ALG12: variants seen among roughly 807,000 people sequenced by gnomAD.
ALG12 encodes ALG12 alpha-1,6-mannosyltransferase.
Under a neutral mutation model 46.0 loss-of-function variants are expected in ALG12, and 36 were observed. The ratio of observed to expected loss-of-function variants is 0.78; its 90% CI spans 0.60 to 1.03. The LOEUF is 1.03. Ranked by LOEUF, ALG12 falls within the 50% of genes least tolerant of loss-of-function variation. The pLI, the probability that ALG12 is intolerant of heterozygous loss-of-function variation, is 0.00. For missense variants in ALG12, 599 were observed against 633.5 expected (o/e 0.95, Z 0.58); for synonymous variants, 326 against 291.6 (o/e 1.12, Z -1.20).
At chr22:49,881,079 C>G in the ALG12 span, among the ~76,000 whole-genome samples, 1 of 152,234 alleles carries the variant, frequency 6.6e-6, no homozygotes, top group Non-Finnish European at 1.5e-5. Context: ...GGCGCAGTGG[C>G]TCAGGCCTGT....
At chr22:49,898,405 T>A (rs994705574), downstream of ALG12, among the ~76,000 whole-genome samples, 10 of 151,980 alleles carry the variant, frequency 6.6e-5, no homozygotes, top group African/African-American at 9.7e-5. Flanking sequence ...TTCTTTTTTT[T>A]TTTGAGATGG....
At chr22:49,874,830 G>A in the ALG12 span, among the ~76,000 whole-genome samples, 3 of 151,654 alleles carry the variant, frequency 2.0e-5, no homozygotes, top group Non-Finnish European at 4.4e-5. Flanking sequence ...AAACAGGTGC[G>A]TGCCACCATG....
the ALG12 span, among the ~76,000 whole-genome samples, chr22:49,891,805 A>T: frequency 2.0e-5 from 3 of 152,200 alleles, no homozygotes; most frequent in African/African-American, 7.2e-5. Context: ...TAGTTTTGTC[A>T]TAATATGCAT....
At position 49,910,102 on chromosome 22, in the gene ALG12, C is replaced by A; in HGVS notation, c.470-14G>T. ...GGGCCAGCAGGACTGCAAGACAGTGCGGGAGGGTGCTCGTCAAGACACAGG... is the reference window on the plus strand; with the variant it reads ...GGGCCAGCAGGACTGCAAGACAGTGAGGGAGGGTGCTCGTCAAGACACAGG... On this transcript the variant is annotated splice_polypyrimidine_tract_variant and intron_variant, in intron 4 of 9. Coordinates refer to ENST00000330817, the MANE Select transcript of ALG12 (RefSeq NM_024105.4). The A allele has an allele frequency of 6.3e-7, 1 of 1,592,260 alleles. No individual in the cohort carries two copies. Among genetic ancestry groups the A allele is most frequent in the Non-Finnish European group, 8.5e-7 (1 of 1,169,912 alleles).
chr22:49,884,368 T>C, the ALG12 span: 1 of 1,611,876 alleles, frequency 6.2e-7, no homozygotes, highest in East Asian at 2.2e-5. Context: ...TGAAGAAATC[T>C]CCTCTGACAT....
rs1200180536 is a variant in ALG12 at position 49,907,754 on chromosome 22, A to G, written c.959T>C (p.Leu320Pro). The stretch of plus-strand genomic sequence containing the variant: ...GCAGCCTCTGGCAGCCGTGATGTTG[A>G]GCATGGGGAAGGCATAGATGATGAA... ...LRFIIYAFPM[L>P]NITAARGCSY... The change falls in exon 7 of 10, where the codon CTC (leucine) becomes CCC (proline). Residue 320 changes from leucine (L) to proline (P), a missense_variant. By Grantham distance (98) the Leu-to-Pro change is moderately conservative (BLOSUM62 -3). Coordinates refer to ENST00000330817, the MANE Select transcript of ALG12 (RefSeq NM_024105.4). 1 of 1,614,026 alleles carries G rather than the reference A, an allele frequency of 6.2e-7. No individual in the cohort carries two copies. The highest frequency in any genetic ancestry group is 1.3e-5 in the African/African-American group (1 of 74,932).
the ALG12 span, among the ~76,000 whole-genome samples, chr22:49,890,381 C>A: frequency 6.6e-6 from 1 of 152,208 alleles, no homozygotes; most frequent in Admixed American, 6.5e-5. Context: ...GATCAAGATA[C>A]TTTTGTAAGC....
At chr22:49,915,911 A>AT (rs2060606707) in intron 1 of ALG12, among the ~76,000 whole-genome samples, 2 of 152,220 alleles carry the variant, frequency 1.3e-5, no homozygotes. Context: ...GCCGAAGAAG[A>AT]AATCGGTAAA....
the ALG12 span, chr22:49,884,725 C>G: frequency 6.3e-7 from 1 of 1,594,034 alleles, no homozygotes; most frequent in African/African-American, 1.3e-5. Context: ...GTACTCCACC[C>G]CTCCCACTCT....
chr22:49,863,090 C>T, the ALG12 span, among the ~76,000 whole-genome samples: 97,944 of 152,050 alleles, frequency 0.64, 35,697 homozygotes, highest in East Asian at 0.85. Flanking sequence ...TGGACTCGTG[C>T]ATCTCACGGT....
At chr22:49,873,860 C>G in the ALG12 span, among the ~76,000 whole-genome samples, 97,429 of 151,658 alleles carry the variant, frequency 0.64, 35,460 homozygotes, top group East Asian at 0.85. Flanking sequence ...TAGGTTGGAG[C>G]GAGGAGCGTG....
the ALG12 span, among the ~76,000 whole-genome samples, chr22:49,862,273 T>G: frequency 6.6e-6 from 1 of 151,692 alleles, no homozygotes; most frequent in Non-Finnish European, 1.5e-5. Context: ...GTGGTTTCTC[T>G]GTCTTTCTTA....
chr22:49,910,114 C>A, intron 4 of ALG12, 26 bp from the exon 5 acceptor site: 1 of 1,578,850 alleles, frequency 6.3e-7, no homozygotes, highest in South Asian at 1.1e-5. Flanking sequence ...GGAGGGTGCT[C>A]GTCAAGACAC....
the ALG12 span, among the ~76,000 whole-genome samples, chr22:49,872,560 T>C: frequency 1.3e-5 from 2 of 152,156 alleles, no homozygotes; most frequent in Non-Finnish European, 2.9e-5. Flanking sequence ...GATATGGTCT[T>C]GCTCTGTCAC....
At chr22:49,867,743 A>G in the ALG12 span, among the ~76,000 whole-genome samples, 1 of 152,138 alleles carries the variant, frequency 6.6e-6, no homozygotes, top group Admixed American at 6.5e-5. Flanking sequence ...GCCTTGTAAT[A>G]CTGACTGCAA....
chr22:49,894,638 C>G, the ALG12 span, among the ~76,000 whole-genome samples: 6 of 152,156 alleles, frequency 3.9e-5, no homozygotes, highest in African/African-American at 1.4e-4. Flanking sequence ...ATAAAAGCAC[C>G]AAAGAACACA....
At chr22:49,884,359 G>A in the ALG12 span, 7 of 1,613,042 alleles carry the variant, frequency 4.3e-6, no homozygotes, top group Admixed American at 3.3e-5. Flanking sequence ...AGTTTCTTCT[G>A]AAGAAATCTC....
At chr22:49,907,121 C>G (rs950211311) in intron 7 of ALG12, among the ~76,000 whole-genome samples, 1 of 152,186 alleles carries the variant, frequency 6.6e-6, no homozygotes, top group African/African-American at 2.4e-5. Context: ...CACCATCCCC[C>G]TCTTCCAGCC....
chr22:49,885,582 T>A, the ALG12 span: 1 of 1,605,146 alleles, frequency 6.2e-7, no homozygotes, highest in Non-Finnish European at 8.5e-7. Context: ...GCGCTTCCTC[T>A]TTTGATGACA....
Sources: allele counts gnomAD v4.1 joint callset (sites outside exome capture counted in the v4.1 genomes callset), GRCh38; gene constraint gnomAD v4.1.1; transcripts MANE v1.5; gene names NCBI Gene and HGNC (gene_info 2026-07-23, HGNC 2026-07-21).